Variants in ZNF316 observed in about 807,000 individuals in gnomAD.
The protein encoded by ZNF316 is zinc finger protein 316.
ZNF316 carries 23 observed loss-of-function variants against 75.6 expected under a neutral mutation model. The ratio of observed to expected loss-of-function variants is 0.30; its 90% CI spans 0.22 to 0.43. The LOEUF is 0.43. Among genes scored for constraint, ZNF316 ranks in the 20% least tolerant of loss-of-function variants. The probability of loss-of-function intolerance (pLI) is 1.00; values close to 1 mark genes in which losing one functional copy is unlikely to be tolerated. For synonymous variants in ZNF316, 827 were observed against 666.2 expected (o/e 1.24, Z -3.72); for missense variants, 1,266 against 1,409.4 (o/e 0.90, Z 1.63).
At position 6,656,554 on chromosome 7, in the gene ZNF316, G is replaced by C. The variant is rs1779631050; in HGVS notation, c.*1943G>C. 6.6e-6 allele frequency: 1 copy of C among 152,228 alleles called. No individual in the cohort carries two copies. Among genetic ancestry groups the C allele is most frequent in the South Asian group, 2.1e-4 (1 of 4,836 alleles). 9.4% of individuals were successfully genotyped at this position (152,228 alleles called of 1,614,324 possible). A position where few individuals can be genotyped will look rare whatever the true frequency, so the allele number is the denominator to read the frequency against. On this transcript the variant is annotated 3_prime_UTR_variant, in exon 9 of 9. Transcript: ENST00000382252. ...AAAGATTTTCTCTTTTAAGAAATTA[G>C]AATGGGTCCTAGGATGGCCCATGAG...
chr7:6,653,755 G>T lies in ZNF316; in HGVS notation c.2159G>T (p.Arg720Leu). ...QRYHAGERPH[R>L]CADCGKSFVY... ...TACCACGCGGGCGAGCGGCCGCATC[G>T]CTGCGCCGACTGCGGCAAGAGCTTC... Residue 720 changes from arginine to leucine, a missense_variant, in exon 9 of 9, where the codon CGC (arginine) becomes CTC (leucine). Physicochemically the swap from Arg to Leu is moderately radical, Grantham distance 102. This residue lies in a region of ZNF316 where 961 missense variants were observed against 990.9 expected (regional missense o/e 0.97). Transcript: ENST00000382252. 1.8e-6 allele frequency: 2 copies of T among 1,093,064 alleles called. No individual in the cohort carries two copies. Among genetic ancestry groups the T allele is most frequent in the Non-Finnish European group, 2.2e-6 (2 of 897,620 alleles). The allele number at this position is 1,093,064 out of a possible 1,614,324, so 67.7% of individuals were successfully genotyped here.
chr7:6,649,498 G>A (rs1289932086), intron 8 of ZNF316, among the ~76,000 whole-genome samples: 1 of 152,188 alleles, frequency 6.6e-6, no homozygotes, highest in East Asian at 1.9e-4. Flanking sequence ...AAACGGCTTT[G>A]GATCTGAGAG....
chr7:6,651,075 C>A (rs1219634788), intron 8 of ZNF316, among the ~76,000 whole-genome samples: 2 of 152,284 alleles, frequency 1.3e-5, no homozygotes, highest in Non-Finnish European at 2.9e-5. Context: ...ACAGGCCGGG[C>A]ACGGTGGCTC....
intron 8 of ZNF316, among the ~76,000 whole-genome samples, chr7:6,651,786 A>C (rs1779511903): frequency 6.6e-6 from 1 of 152,156 alleles, no homozygotes. Flanking sequence ...AAAAGCTTAG[A>C]GCTGACAAAG....
chr7:6,648,483 G>A (rs377098278), intron 8 of ZNF316, among the ~76,000 whole-genome samples: 12 of 152,308 alleles, frequency 7.9e-5, no homozygotes, highest in Admixed American at 5.2e-4. Context: ...TGGCAGCAGC[G>A]CCACCTGACC....
Position 6,657,876 on chromosome 7 carries a change from A to G in ZNF316, c.*3265A>G, listed in dbSNP as rs1472068977. ...AAAAAAAGGTTCCCCGATAGAACTT[A>G]TAGTTGACTGTCCAGCCAAATACTT... On this transcript the variant is annotated 3_prime_UTR_variant, in exon 9 of 9. Transcript: ENST00000382252. Among the ~76,000 whole-genome samples, 1 of 148,320 alleles carries G rather than the reference A, an allele frequency of 6.7e-6. No individual in the cohort carries two copies. Among genetic ancestry groups the G allele is most frequent in the Non-Finnish European group, 1.5e-5 (1 of 67,172 alleles).
intron 8 of ZNF316, among the ~76,000 whole-genome samples, chr7:6,649,270 G>T (rs1043867050): frequency 2.6e-5 from 4 of 152,180 alleles, no homozygotes; most frequent in South Asian, 2.1e-4. Flanking sequence ...AGGTGCAGGG[G>T]AGAGGGACCG....
rs1779291259 is a variant in ZNF316, at chr7:6,640,397, G to T, written c.-167+1256G>T. On this transcript the variant is annotated intron_variant, in intron 3 of 8. Coordinates refer to ENST00000382252, the MANE Select transcript of ZNF316 (RefSeq NM_001278559.2). The surrounding 1 kb of genome is among the most constrained non-coding windows in gnomAD (Gnocchi z 5.1). Reference sequence around the variant, plus strand: ...TTTAATCATGGTGGACGGTGAGGGGGAGTAGGTATGTCACATGGCGAAAAC... The same window carrying T: ...TTTAATCATGGTGGACGGTGAGGGGTAGTAGGTATGTCACATGGCGAAAAC... 6.6e-6 allele frequency among the ~76,000 whole-genome samples: 1 copy of T among 152,116 alleles called. No individual in the cohort carries two copies. Among genetic ancestry groups the T allele is most frequent in the Non-Finnish European group, 1.5e-5 (1 of 68,002 alleles).
rs1779594633 is a variant in ZNF316 at position 6,655,021 on chromosome 7, G to C, written c.*410G>C. The C allele has an allele frequency of 6.5e-6, 1 of 153,256 alleles. No homozygotes were observed. Among genetic ancestry groups the C allele is most frequent in the Non-Finnish European group, 1.5e-5 (1 of 68,794 alleles). 9.5% of individuals were successfully genotyped at this position (153,256 alleles called of 1,614,324 possible). On this transcript the variant is annotated 3_prime_UTR_variant, in exon 9 of 9. Coordinates refer to ENST00000382252, the MANE Select transcript of ZNF316 (RefSeq NM_001278559.2). ...GGCGAGGGAGGGGCCCGGCCACCCA[G>C]GTGGGCCAGCGGGATGCCTGGGAGG...
At chr7:6,651,746 G>C (rs1209347624) in intron 8 of ZNF316, among the ~76,000 whole-genome samples, 1 of 152,228 alleles carries the variant, frequency 6.6e-6, no homozygotes, top group Non-Finnish European at 1.5e-5. Context: ...CTGGGTGACA[G>C]AGTGAGACTC....
Position 6,653,481 on chromosome 7 carries a change from G to T in ZNF316, c.1885G>T (p.Gly629Trp). The T allele has an allele frequency of 8.2e-7, 1 of 1,225,740 alleles. No individual in the cohort carries two copies. Among genetic ancestry groups the T allele is most frequent in the South Asian group, 4.1e-5 (1 of 24,298 alleles). The allele number at this position is 1,225,740 out of a possible 1,614,324, so 75.9% of individuals were successfully genotyped here. The change falls in exon 9 of 9, where the codon GGG becomes TGG. Residue 629 changes from glycine to tryptophan, a missense_variant. By Grantham distance (184) the Gly-to-Trp change is radical. Transcript: ENST00000382252. ...PDFRERLPVDGRPLPAPLGGP... is the reference protein window; with the variant it reads ...PDFRERLPVDWRPLPAPLGGP... ...CTTCCGAGAGCGGCTGCCGGTCGAC[G>T]GGCGCCCGCTCCCGGCGCCCCTGGG...
In ZNF316 at chr7:6,657,342, G is replaced by A. The variant is rs991931535; in HGVS notation, c.*2731G>A. On this transcript the variant is annotated 3_prime_UTR_variant, in exon 9 of 9. Coordinates refer to ENST00000382252, the MANE Select transcript of ZNF316 (RefSeq NM_001278559.2). Reference sequence around the variant, plus strand: ...AAAAAAAAAAAAAAAAAAAAAAGCCGGGCATAGTGGTATGCATCTGTAGTC... The same window carrying A: ...AAAAAAAAAAAAAAAAAAAAAAGCCAGGCATAGTGGTATGCATCTGTAGTC... Among the ~76,000 whole-genome samples the A allele has an allele frequency of 3.4e-5, 5 of 145,250 alleles. No homozygotes were observed. The highest frequency in any genetic ancestry group is 2.0e-4 in the East Asian group (1 of 4,996).
In ZNF316 at chr7:6,652,614, G is replaced by C. The variant is rs1052342174; in HGVS notation, c.1018G>C (p.Ala340Pro). The change falls in exon 9 of 9, where the codon GCC becomes CCC. Residue 340 changes from alanine to proline, a missense_variant. By Grantham distance (27) the Ala-to-Pro change is conservative (BLOSUM62 -1). This residue lies in a region of ZNF316 where 961 missense variants were observed against 990.9 expected (regional missense o/e 0.97). Coordinates refer to ENST00000382252, the MANE Select transcript of ZNF316 (RefSeq NM_001278559.2). ...WAFPAAVAPP[A>P]GRPETTCDVC... ...GTTCCCCGCCGCAGTGGCCCCGCCG[G>C]CCGGGAGGCCGGAGACCACGTGCGA... 1.6e-6 allele frequency: 2 copies of C among 1,230,258 alleles called. No homozygotes were observed. Among genetic ancestry groups the C allele is most frequent in the Non-Finnish European group, 2.0e-6 (2 of 986,988 alleles). The allele number at this position is 1,230,258 out of a possible 1,614,324, so 76.2% of individuals were successfully genotyped here.
At chr7:6,649,629 C>T (rs965349675) in intron 8 of ZNF316, among the ~76,000 whole-genome samples, 2 of 152,142 alleles carry the variant, frequency 1.3e-5, no homozygotes, top group Non-Finnish European at 2.9e-5. Context: ...CCTCTGGGAC[C>T]CTTCCCAGGG....
In ZNF316 at chr7:6,640,839, G is replaced by A. The variant is rs994058430; in HGVS notation, c.-166-986G>A. 1.3e-5 allele frequency among the ~76,000 whole-genome samples: 2 copies of A among 152,196 alleles called. No individual in the cohort carries two copies. Among genetic ancestry groups the A allele is most frequent in the African/African-American group, 4.8e-5 (2 of 41,464 alleles). Reference sequence around the variant, plus strand: ...CACAAGAGATCTGGTTGTTTTAAAAGAGTGGGGCTTCCTCCCTCTCTCTTG... The same window carrying A: ...CACAAGAGATCTGGTTGTTTTAAAAAAGTGGGGCTTCCTCCCTCTCTCTTG... On this transcript the variant is annotated intron_variant, in intron 3 of 8. Coordinates refer to ENST00000382252, the MANE Select transcript of ZNF316 (RefSeq NM_001278559.2). The surrounding 1 kb of genome is among the most constrained non-coding windows in gnomAD (Gnocchi z 5.1).
intron 8 of ZNF316, among the ~76,000 whole-genome samples, chr7:6,648,456 T>A (rs138822373): frequency 6.6e-6 from 1 of 152,134 alleles, no homozygotes; most frequent in Non-Finnish European, 1.5e-5. Flanking sequence ...GGCCTTGGCA[T>A]CTGCAGGGAA....
chr7:6,657,195 C>T lies in ZNF316; in HGVS notation c.*2584C>T, dbSNP rs1779642626. Among the ~76,000 whole-genome samples the T allele has an allele frequency of 6.6e-6, 1 of 151,312 alleles. No homozygotes were observed. The highest frequency in any genetic ancestry group is 2.4e-5 in the African/African-American group (1 of 41,162). On this transcript the variant is annotated 3_prime_UTR_variant, in exon 9 of 9. Coordinates refer to ENST00000382252, the MANE Select transcript of ZNF316 (RefSeq NM_001278559.2). ...ATTTTTAGTAGAGATGGGATTTCAGCATATTGGCCAGGCTGGTCTTGAGCT... is the reference window on the plus strand; with the variant it reads ...ATTTTTAGTAGAGATGGGATTTCAGTATATTGGCCAGGCTGGTCTTGAGCT...
At position 6,652,978 on chromosome 7, in the gene ZNF316, A is replaced by C; in HGVS notation, c.1382A>C (p.His461Pro). The C allele has an allele frequency of 1.6e-6, 2 of 1,234,752 alleles. No individual in the cohort carries two copies. Among genetic ancestry groups the C allele is most frequent in the Non-Finnish European group, 2.0e-6 (2 of 988,214 alleles). The allele number at this position is 1,234,752 out of a possible 1,614,324, so 76.5% of individuals were successfully genotyped here. Residue 461 changes from histidine (H) to proline (P), a missense_variant, in exon 9 of 9, where the codon CAC (histidine) becomes CCC (proline). His to Pro is a moderately conservative substitution (Grantham distance 77). Transcript: ENST00000382252. Reference sequence around the variant, plus strand: ...GGCGAGCGACCCTACCCGTGTTCGCACTGCGGCCGCAGCTTCAGCCAGAGC... The same window carrying C: ...GGCGAGCGACCCTACCCGTGTTCGCCCTGCGGCCGCAGCTTCAGCCAGAGC... ...HTGERPYPCSHCGRSFSQSSA... is the reference protein window; with the variant it reads ...HTGERPYPCSPCGRSFSQSSA...
rs1192697367 is a variant in ZNF316 at position 6,658,071 on chromosome 7, T to C, written c.*3460T>C. ...CTCAGCCCTGAGCGTCACTTTCCCC[T>C]CCATCTACCTTTGTTATTTCCTTTC... is the stretch of plus-strand genomic sequence containing the variant. On this transcript the variant is annotated 3_prime_UTR_variant, in exon 9 of 9. Coordinates refer to ENST00000382252, the MANE Select transcript of ZNF316 (RefSeq NM_001278559.2). Among the ~76,000 whole-genome samples the C allele has an allele frequency of 6.6e-6, 1 of 152,096 alleles. No individual in the cohort carries two copies. The highest frequency in any genetic ancestry group is 1.5e-5 in the Non-Finnish European group (1 of 68,018).
Sources: gnomAD v4.1 joint callset for allele counts (sites outside exome capture counted in the v4.1 genomes callset) on GRCh38, gnomAD v4.1.1 for gene constraint, gnomAD v4.1.1 regional missense constraint, Gnocchi (gnomAD v3.1) non-coding constraint, MANE v1.5 for transcripts, NCBI Gene and HGNC (gene_info 2026-07-23, HGNC 2026-07-21) for gene names.